NPFFR2: variants seen among roughly 807,000 people sequenced by gnomAD.
NPFFR2 encodes G-protein coupled receptor 74.
In NPFFR2, 15 loss-of-function variants were observed where a neutral mutation model predicts 13.1. The ratio of observed to expected loss-of-function variants is 1.15; its 90% CI spans 0.77 to 1.76. The LOEUF (loss-of-function observed/expected upper bound fraction) is 1.76. NPFFR2 is among the 40% of genes most tolerant of loss of function. The pLI is 0.00. For missense variants in NPFFR2, 572 were observed against 503.5 expected (o/e 1.14, Z -1.30); for synonymous variants, 190 against 175.7 (o/e 1.08, Z -0.65).
intron 1 of NPFFR2, among the ~76,000 whole-genome samples, chr4:72,035,246 A>G (rs1719013630): frequency 6.6e-6 from 1 of 152,232 alleles, no homozygotes. Flanking sequence ...ATGATCTATT[A>G]TGCTGGATAC....
chr4:72,123,596 A>C (rs1721953897), intron 1 of NPFFR2, among the ~76,000 whole-genome samples: 1 of 152,234 alleles, frequency 6.6e-6, no homozygotes, highest in African/African-American at 2.4e-5. Context: ...TTGGGATGCA[A>C]GGCTGGTTCA....
At chr4:72,117,682 G>A (rs28496578) in intron 1 of NPFFR2, among the ~76,000 whole-genome samples, 12,144 of 152,212 alleles carry the variant, frequency 0.08, 1,518 homozygotes, top group African/African-American at 0.26. Context: ...TGAATGAACA[G>A]AAGATGTTCC....
chr4:72,141,284 G>T (rs776069369), intron 3 of NPFFR2, among the ~76,000 whole-genome samples: 27 of 151,616 alleles, frequency 1.8e-4, no homozygotes, highest in Admixed American at 1.3e-4. Context: ...ATCTTAGTTA[G>T]TTCTTGCCTT....
chr4:72,105,735 A>C (rs1721400338), intron 1 of NPFFR2, among the ~76,000 whole-genome samples: 1 of 152,000 alleles, frequency 6.6e-6, no homozygotes, highest in South Asian at 2.1e-4. Context: ...ATATGAACAA[A>C]TACAATATAA....
chr4:72,092,089 C>T (rs778103818), intron 1 of NPFFR2, among the ~76,000 whole-genome samples: 1 of 151,938 alleles, frequency 6.6e-6, no homozygotes, highest in Non-Finnish European at 1.5e-5. Flanking sequence ...GATTTTATTG[C>T]TGACTCAGTG....
intron 1 of NPFFR2, among the ~76,000 whole-genome samples, chr4:72,127,165 G>A (rs547357820): frequency 8.6e-5 from 13 of 150,598 alleles, no homozygotes; most frequent in East Asian, 4.1e-4. Context: ...TTCGCTGGGC[G>A]TGGTGGCGGG....
intron 1 of NPFFR2, among the ~76,000 whole-genome samples, chr4:72,047,383 T>A (rs1444552532): frequency 1.3e-5 from 2 of 152,108 alleles, no homozygotes; most frequent in Non-Finnish European, 2.9e-5. Context: ...CTGGTGATGG[T>A]CTTGAAGCAT....
At chr4:72,141,087 T>A (rs62320843) in intron 3 of NPFFR2, among the ~76,000 whole-genome samples, 1 of 151,824 alleles carries the variant, frequency 6.6e-6, no homozygotes, top group Non-Finnish European at 1.5e-5. Flanking sequence ...TTTGTATTTC[T>A]GTGGGATCAG....
chr4:72,078,409 C>T (rs749535948), intron 1 of NPFFR2, among the ~76,000 whole-genome samples: 22 of 152,080 alleles, frequency 1.4e-4, no homozygotes, highest in Non-Finnish European at 2.6e-4. Context: ...CAACAAAAAA[C>T]GATTAGCATG....
At chr4:72,145,529 T>C (rs557980820) in intron 3 of NPFFR2, among the ~76,000 whole-genome samples, 11 of 152,026 alleles carry the variant, frequency 7.2e-5, no homozygotes, top group Non-Finnish European at 1.5e-4. Flanking sequence ...AAGAGCAAAA[T>C]ACATACGTTT....
rs532384196 is a variant in NPFFR2 at position 72,122,812 on chromosome 4, A to G, written c.-7-5773A>G. 2.6e-5 allele frequency among the ~76,000 whole-genome samples: 4 copies of G among 152,340 alleles called. No individual in the cohort carries two copies. In the East Asian group the frequency reaches 7.7e-4, roughly 29 times the overall value. On this transcript the variant is annotated intron_variant, in intron 1 of 3. Transcript: ENST00000308744. The stretch of plus-strand genomic sequence containing the variant: ...ATAAGAGAAAGCAGGAAAGATCTAA[A>G]ATTGACACCCTAACATCACAATTAA...
At chr4:72,107,604 T>C (rs1721451949) in intron 1 of NPFFR2, among the ~76,000 whole-genome samples, 1 of 151,950 alleles carries the variant, frequency 6.6e-6, no homozygotes, top group Admixed American at 6.6e-5. Flanking sequence ...TAGTGCCTGG[T>C]ACAGAGTTTA....
At chr4:72,053,653 T>C (rs1201104799) in intron 1 of NPFFR2, among the ~76,000 whole-genome samples, 1 of 151,900 alleles carries the variant, frequency 6.6e-6, no homozygotes, top group Non-Finnish European at 1.5e-5. Flanking sequence ...TCTTGAGAAC[T>C]TACTAAATTA....
intron 1 of NPFFR2, among the ~76,000 whole-genome samples, chr4:72,048,256 A>G (rs1018781179): frequency 8.5e-5 from 13 of 152,126 alleles, no homozygotes; most frequent in East Asian, 1.9e-4. Context: ...TTCTTGGAGA[A>G]GTGAGGGAGG....
intron 1 of NPFFR2, among the ~76,000 whole-genome samples, chr4:72,062,845 T>C (rs1004154729): frequency 1.3e-5 from 2 of 152,294 alleles, no homozygotes; most frequent in African/African-American, 2.4e-5. Flanking sequence ...GAGAGGCCAG[T>C]TGAAATTAGC....
chr4:72,131,774 G>A (rs1722250145), intron 2 of NPFFR2, among the ~76,000 whole-genome samples: 1 of 152,070 alleles, frequency 6.6e-6, no homozygotes, highest in Non-Finnish European at 1.5e-5. Context: ...TAGGGTTGAA[G>A]GATTGTTTTG....
chr4:72,127,914 T>C (rs1166104654), intron 1 of NPFFR2, among the ~76,000 whole-genome samples: 1 of 151,886 alleles, frequency 6.6e-6, no homozygotes, highest in African/African-American at 2.4e-5. Context: ...ACTCCATCTC[T>C]ACTAGAAATA....
intron 1 of NPFFR2, among the ~76,000 whole-genome samples, chr4:72,122,714 G>C (rs546773489): frequency 1.3e-5 from 2 of 152,290 alleles, no homozygotes; most frequent in African/African-American, 4.8e-5. Flanking sequence ...TGAGAACAAA[G>C]ACACCATGTA....
intron 1 of NPFFR2, among the ~76,000 whole-genome samples, chr4:72,043,960 C>T (rs1264168104): frequency 2.6e-5 from 4 of 152,084 alleles, no homozygotes; most frequent in African/African-American, 9.7e-5. Context: ...TTCCCAAAAT[C>T]CCCACGTGTA....
Sources: allele counts gnomAD v4.1 joint callset (sites outside exome capture counted in the v4.1 genomes callset), GRCh38; gene constraint gnomAD v4.1.1; transcripts MANE v1.5; gene names NCBI Gene and HGNC (gene_info 2026-07-23, HGNC 2026-07-21).